The following ADARB2 variants were observed in gnomAD, a reference collection of about 807,000 sequenced individuals.
ADARB2 encodes adenosine deaminase RNA specific B2 (inactive), also known as inactive double-stranded RNA-specific editase B2.
In ADARB2, 25 loss-of-function variants were observed where a neutral mutation model predicts 62.2. The observed-to-expected ratio is 0.40, with a 90% CI of 0.29 to 0.56. The LOEUF is 0.56. Among genes scored for constraint, ADARB2 ranks in the 20% least tolerant of loss-of-function variants. ADARB2 has a pLI of 0.43. For synonymous variants in ADARB2, 572 were observed against 500.8 expected (o/e 1.14, Z -1.90); for missense variants, 1,071 against 1,077.4 (o/e 0.99, Z 0.08).
At chr10:1,423,392 TCCTGA>T (rs1832866944) in intron 1 of ADARB2, among the ~76,000 whole-genome samples, 1 of 152,224 alleles carries the variant, frequency 6.6e-6, no homozygotes, top group Non-Finnish European at 1.5e-5. Flanking sequence ...GCCTCCTGGC[TCCTGA>T]GCACCCGGCC....
At chr10:1,380,970 A>G (rs992564081) in intron 1 of ADARB2, among the ~76,000 whole-genome samples, 3 of 152,266 alleles carry the variant, frequency 2.0e-5, no homozygotes, top group Non-Finnish European at 4.4e-5. Context: ...AAACTATTTC[A>G]GACTTTACTT....
At chr10:1,686,812 TTTA>T (rs1834601998) in intron 1 of ADARB2, among the ~76,000 whole-genome samples, 1 of 152,206 alleles carries the variant, frequency 6.6e-6, no homozygotes, top group Non-Finnish European at 1.5e-5. Flanking sequence ...TTAACAAATG[TTTA>T]TTGTTGATTT....
rs150819764 is a variant in ADARB2, at chr10:1,478,089, A to G, written c.101-98929T>C. ...AGTGAGGATCTGGGCCTGCAAAGCC[A>G]AAGGAGACGCCAGTGCTGCCCTAAC... On this transcript the variant is annotated intron_variant, in intron 1 of 9. Transcript: ENST00000381312. 6.2e-3 allele frequency among the ~76,000 whole-genome samples: 948 copies of G among 152,360 alleles called. 12 individuals are homozygous for G. Among genetic ancestry groups the G allele is most frequent in the African/African-American group, 0.02 (819 of 41,586 alleles).
chr10:1,367,606 A>G (rs1232077420), intron 2 of ADARB2, among the ~76,000 whole-genome samples: 1 of 152,182 alleles, frequency 6.6e-6, no homozygotes, highest in Non-Finnish European at 1.5e-5. Context: ...AGATGAGATT[A>G]ACCATGGGAT....
intron 3 of ADARB2, among the ~76,000 whole-genome samples, chr10:1,293,303 AAG>A (rs140685522): frequency 0.069 from 6,757 of 98,510 alleles, 329 homozygotes; most frequent in African/African-American, 0.14. Context: ...GAGAAGGGGG[AAG>A]AGAGAGGGGA....
At chr10:1,712,266 C>T (rs970150988) in intron 1 of ADARB2, among the ~76,000 whole-genome samples, 9 of 152,002 alleles carry the variant, frequency 5.9e-5, no homozygotes, top group East Asian at 5.8e-4. Flanking sequence ...GCTCAAAACA[C>T]GTTTTATACA....
At chr10:1,584,014 A>G (rs1833140683) in intron 1 of ADARB2, among the ~76,000 whole-genome samples, 1 of 152,230 alleles carries the variant, frequency 6.6e-6, no homozygotes, top group African/African-American at 2.4e-5. Flanking sequence ...ACCTAAATGT[A>G]AAATGCAAAG....
intron 1 of ADARB2, among the ~76,000 whole-genome samples, chr10:1,510,148 CTTTCTTTCTTTCTTTCTTTCTT>C (rs1242513752): frequency 1.6e-5 from 2 of 123,292 alleles, no homozygotes; most frequent in African/African-American, 6.4e-5. Context: ...TTCTTTCTTT[CTTTCTTTCTTTCTTTCTTTCTT>C]TTTCTTTCTT....
intron 1 of ADARB2, among the ~76,000 whole-genome samples, chr10:1,598,693 G>T (rs1014061160): frequency 6.6e-6 from 1 of 152,200 alleles, no homozygotes; most frequent in Non-Finnish European, 1.5e-5. Context: ...GATGCAGAAG[G>T]CCCCAGGAGA....
At position 1,445,288 on chromosome 10, in the gene ADARB2, A is replaced by G. The variant is rs377396040; in HGVS notation, c.101-66128T>C. On this transcript the variant is annotated intron_variant, in intron 1 of 9. Transcript: ENST00000381312. ...CATCCATCCATCCACCCACCCACCCATCTATTCATTCACCATCCGCCTACA... is the reference window on the plus strand; with the variant it reads ...CATCCATCCATCCACCCACCCACCCGTCTATTCATTCACCATCCGCCTACA... Among the ~76,000 whole-genome samples the G allele has an allele frequency of 8.6e-5, 13 of 151,610 alleles. No individual in the cohort carries two copies. In the East Asian group the frequency reaches 2.3e-3, roughly 27 times the overall value.
At chr10:1,732,571 C>T (rs923817892) in intron 1 of ADARB2, among the ~76,000 whole-genome samples, 1 of 152,210 alleles carries the variant, frequency 6.6e-6, no homozygotes, top group African/African-American at 2.4e-5. Flanking sequence ...AAGCACCACA[C>T]AATTAGGTGC....
chr10:1,727,740 G>A (rs1391920141), intron 1 of ADARB2, among the ~76,000 whole-genome samples: 1 of 151,944 alleles, frequency 6.6e-6, no homozygotes, highest in Non-Finnish European at 1.5e-5. Context: ...TTCCCTGTTC[G>A]GATTTCATGT....
chr10:1,195,937 A>C (rs1310552461), intron 8 of ADARB2, among the ~76,000 whole-genome samples: 1 of 152,166 alleles, frequency 6.6e-6, no homozygotes, highest in Non-Finnish European at 1.5e-5. Flanking sequence ...GGTCTGGGGA[A>C]CCAAACAGCA....
intron 3 of ADARB2, among the ~76,000 whole-genome samples, chr10:1,356,089 G>A (rs12242738): frequency 1.6e-3 from 251 of 152,270 alleles, no homozygotes; most frequent in African/African-American, 5.3e-3. Context: ...ATGACAATGA[G>A]TGACCTCTCG....
At chr10:1,550,914 C>G (rs1832612289) in intron 1 of ADARB2, among the ~76,000 whole-genome samples, 1 of 151,998 alleles carries the variant, frequency 6.6e-6, no homozygotes, top group Admixed American at 6.6e-5. Flanking sequence ...AGTTCGGAGA[C>G]TAAAGGTGCA....
In ADARB2 at chr10:1,645,071, T is replaced by C. The variant is rs148303672; in HGVS notation, c.100+91980A>G. On this transcript the variant is annotated intron_variant, in intron 1 of 9. Coordinates refer to ENST00000381312, the MANE Select transcript of ADARB2 (RefSeq NM_018702.4). ...GTTATTTTGCAAAAATGCCAACGCA[T>C]GGAAAACTGGTGTCAGAGAGGAGAA... is the stretch of plus-strand genomic sequence containing the variant. Among the ~76,000 whole-genome samples the C allele has an allele frequency of 3.3e-5, 5 of 152,306 alleles. No individual in the cohort carries two copies. In the East Asian group the frequency reaches 7.7e-4, roughly 24 times the overall value.
At chr10:1,632,779 G>C (rs1028289050) in intron 1 of ADARB2, among the ~76,000 whole-genome samples, 1 of 152,202 alleles carries the variant, frequency 6.6e-6, no homozygotes, top group Non-Finnish European at 1.5e-5. Flanking sequence ...CTGCACACTC[G>C]TTCCAAGTTA....
chr10:1,363,856 C>T lies in ADARB2; in HGVS notation c.249G>A (p.Pro83=), dbSNP rs755493645. Residue 83 remains proline (P), a synonymous_variant, in exon 3 of 10, where the codon CCG becomes CCA. Transcript: ENST00000381312. ...RNVGNLAARP[P]PSGDRARGGA... is the part of the protein sequence containing the mutation. ...CGCCCCGGGCCCGGTCCCCGGAGGG[C>T]GGTGGCCGCGCGGCCAGGTTGCCCA... is the stretch of plus-strand genomic sequence containing the variant. The T allele has an allele frequency of 1.2e-5, 18 of 1,516,910 alleles. No homozygotes were observed. In the Middle Eastern group the frequency reaches 5.1e-4, roughly 43 times the overall value. The allele number at this position is 1,516,910 out of a possible 1,614,324, so 94.0% of individuals were successfully genotyped here.
At chr10:1,387,379 G>GATT (rs1266239130) in intron 1 of ADARB2, among the ~76,000 whole-genome samples, 23 of 151,912 alleles carry the variant, frequency 1.5e-4, no homozygotes, top group African/African-American at 5.5e-4. Context: ...CATGAAAAAG[G>GATT]AGAAAAAAAC....
Sources: gnomAD v4.1 joint callset for allele counts (sites outside exome capture counted in the v4.1 genomes callset) on GRCh38, gnomAD v4.1.1 for gene constraint, MANE v1.5 for transcripts, NCBI Gene and HGNC (gene_info 2026-07-23, HGNC 2026-07-21) for gene names.